The following GRIA2 variants were observed in gnomAD, a reference collection of about 807,000 sequenced individuals.
GRIA2 encodes the protein glutamate receptor 2.
GRIA2 carries 14 observed loss-of-function variants against 97.3 expected under a neutral mutation model. The observed-to-expected ratio is 0.14, with a 90% CI of 0.10 to 0.23. The LOEUF is 0.23. Ranked by LOEUF, GRIA2 falls within the 10% of genes least tolerant of loss-of-function variation. GRIA2 has a pLI of 1.00. For missense variants in GRIA2, 558 were observed against 1,069.8 expected (o/e 0.52, Z 6.67); for synonymous variants, 412 against 387.8 (o/e 1.06, Z -0.73).
chr4:157,329,342 T>A (rs1045380390), intron 6 of GRIA2, among the ~76,000 whole-genome samples: 2 of 152,000 alleles, frequency 1.3e-5, no homozygotes, highest in African/African-American at 4.8e-5. Flanking sequence ...TGTATAAAAA[T>A]TTTTTAACTA....
intron 2 of GRIA2, among the ~76,000 whole-genome samples, chr4:157,262,612 A>AACCCAGTTT (rs889037318): frequency 6.6e-6 from 1 of 152,050 alleles, no homozygotes; most frequent in African/African-American, 2.4e-5. Context: ...CCCCAATTTC[A>AACCCAGTTT]ACCCAGTTTA....
intron 2 of GRIA2, among the ~76,000 whole-genome samples, chr4:157,250,696 G>A (rs1429586882): frequency 6.6e-6 from 1 of 151,998 alleles, no homozygotes; most frequent in East Asian, 1.9e-4. Flanking sequence ...AAATCAAGAA[G>A]GCCCATTTGC....
intron 2 of GRIA2, among the ~76,000 whole-genome samples, chr4:157,240,072 T>C (rs768919193): frequency 1.3e-5 from 2 of 151,862 alleles, no homozygotes; most frequent in African/African-American, 2.4e-5. Flanking sequence ...TTTCTTCATA[T>C]GCTTTAAATA....
chr4:157,354,897 T>G (rs2126981168), intron 12 of GRIA2, among the ~76,000 whole-genome samples: 1 of 152,086 alleles, frequency 6.6e-6, no homozygotes, highest in Middle Eastern at 3.4e-3. Flanking sequence ...TTTTAAGTCT[T>G]CCCCCCTGGG....
intron 11 of GRIA2, among the ~76,000 whole-genome samples, 194 bp from the exon 12 acceptor site, chr4:157,341,070 G>T (rs1031827995): frequency 5.9e-5 from 9 of 152,134 alleles, no homozygotes; most frequent in African/African-American, 1.9e-4. Context: ...CTGTGTGTAT[G>T]TTATTAAATT....
intron 2 of GRIA2, among the ~76,000 whole-genome samples, chr4:157,268,703 G>A (rs1314751562): frequency 6.6e-6 from 1 of 151,732 alleles, no homozygotes; most frequent in Non-Finnish European, 1.5e-5. Flanking sequence ...TAATCTAGTA[G>A]ATCCTACTTA....
At chr4:157,227,532 G>T (rs1729803269) in intron 2 of GRIA2, among the ~76,000 whole-genome samples, 1 of 152,112 alleles carries the variant, frequency 6.6e-6, no homozygotes, top group Non-Finnish European at 1.5e-5. Context: ...GCTATTACAA[G>T]AAATAAAGTC....
At position 157,290,046 on chromosome 4, in the gene GRIA2, G is replaced by A. The variant is rs79163300; in HGVS notation, c.230-13506G>A. 6.4e-3 allele frequency among the ~76,000 whole-genome samples: 973 copies of A among 151,896 alleles called. 7 individuals carry two copies. Among genetic ancestry groups the A allele is most frequent in the African/African-American group, 0.021 (873 of 41,520 alleles). ...GGGAGCATTAAATGACTTTATAGAT[G>A]TAAGACCTTACATAGTACCTGGCAC... On this transcript the variant is annotated intron_variant, in intron 2 of 15. Transcript: ENST00000264426.
intron 2 of GRIA2, among the ~76,000 whole-genome samples, chr4:157,256,046 T>C (rs186682464): frequency 6.7e-6 from 1 of 149,946 alleles, no homozygotes. Flanking sequence ...TAAATAAAAG[T>C]ACTGTGTATA....
At chr4:157,331,440 T>C (rs541849350) in intron 6 of GRIA2, among the ~76,000 whole-genome samples, 1 of 152,150 alleles carries the variant, frequency 6.6e-6, no homozygotes, top group South Asian at 2.1e-4. Flanking sequence ...TTAAAATATT[T>C]GACTTATTCA....
At chr4:157,266,193 AGTT>A (rs1731760252) in intron 2 of GRIA2, among the ~76,000 whole-genome samples, 1 of 152,132 alleles carries the variant, frequency 6.6e-6, no homozygotes, top group South Asian at 2.1e-4. Flanking sequence ...ATCCAATAAA[AGTT>A]GTCTAGAAGG....
Position 157,303,574 on chromosome 4 carries a change from A to G in GRIA2, c.252A>G (p.Gly84=). The G allele has an allele frequency of 6.2e-7, 1 of 1,613,458 alleles. No individual in the cohort carries two copies. Among genetic ancestry groups the G allele is most frequent in the Non-Finnish European group, 8.5e-7 (1 of 1,179,484 alleles). The change falls in exon 3 of 16, where the codon GGA becomes GGG. Residue 84 remains glycine (G), a synonymous_variant. Coordinates refer to ENST00000264426, the MANE Select transcript of GRIA2 (RefSeq NM_001083619.3). ...TNAFCSQFSR[G]VYAIFGFYDK... ...TAGTCTGCTCCCAGTTTTCGAGAGG[A>G]GTCTATGCTATTTTTGGATTTTATG...
chr4:157,316,246 A>C (rs1474976938), intron 4 of GRIA2, among the ~76,000 whole-genome samples: 2 of 152,182 alleles, frequency 1.3e-5, no homozygotes, highest in Non-Finnish European at 2.9e-5. Context: ...TTCATTCAGA[A>C]GGACATCTTT....
At chr4:157,264,552 T>C (rs957052027) in intron 2 of GRIA2, among the ~76,000 whole-genome samples, 1 of 152,124 alleles carries the variant, frequency 6.6e-6, no homozygotes, top group African/African-American at 2.4e-5. Flanking sequence ...AGCTCATTAG[T>C]AGCTTTAATT....
intron 2 of GRIA2, among the ~76,000 whole-genome samples, chr4:157,268,831 A>G (rs1227063160): frequency 2.0e-5 from 3 of 152,060 alleles, no homozygotes; most frequent in Non-Finnish European, 2.9e-5. Flanking sequence ...ATGAAAAAAT[A>G]GAAAGAATTT....
intron 2 of GRIA2, among the ~76,000 whole-genome samples, chr4:157,288,592 G>A (rs560944785): frequency 1.3e-5 from 2 of 151,692 alleles, no homozygotes; most frequent in Non-Finnish European, 2.9e-5. Context: ...TTTCCTTTAT[G>A]AGTATCAAAA....
intron 2 of GRIA2, among the ~76,000 whole-genome samples, chr4:157,292,804 G>A (rs1733164802): frequency 6.6e-6 from 1 of 152,060 alleles, no homozygotes; most frequent in Non-Finnish European, 1.5e-5. Context: ...TGCCTGGGTT[G>A]ACACCCACTC....
chr4:157,324,791 G>A (rs921460136), intron 6 of GRIA2, among the ~76,000 whole-genome samples: 1 of 152,110 alleles, frequency 6.6e-6, no homozygotes, highest in Non-Finnish European at 1.5e-5. Flanking sequence ...TTTGCTTCCA[G>A]ACAGAAGAGA....
intron 2 of GRIA2, among the ~76,000 whole-genome samples, chr4:157,251,386 C>A (rs978585804): frequency 6.6e-6 from 1 of 151,978 alleles, no homozygotes; most frequent in Non-Finnish European, 1.5e-5. Context: ...AAATAAAAAA[C>A]AATGTGGATT....
Sources: allele counts gnomAD v4.1 joint callset (sites outside exome capture counted in the v4.1 genomes callset), GRCh38; gene constraint gnomAD v4.1.1; transcripts MANE v1.5; gene names NCBI Gene and HGNC (gene_info 2026-07-23, HGNC 2026-07-21).